Variants in BRINP1 observed in about 807,000 individuals in gnomAD.
BRINP1 encodes the protein BMP/retinoic acid-inducible neural-specific protein 1.
Under a neutral mutation model 72.9 loss-of-function variants are expected in BRINP1, and 17 were observed. That is an observed-to-expected ratio of 0.23 (90% confidence interval 0.16 to 0.35). The LOEUF (loss-of-function observed/expected upper bound fraction) is 0.35, where lower values mean the gene tolerates loss of function less well. Among genes scored for constraint, BRINP1 ranks in the 10% least tolerant of loss-of-function variants. BRINP1 has a pLI of 1.00. For missense variants in BRINP1, 850 were observed against 1,001.6 expected, an observed-to-expected ratio of 0.85 and a Z score of 2.04; for synonymous variants, 418 against 378.5, an observed-to-expected ratio of 1.10 and a Z score of -1.21.
chr9:119,168,108 A>G lies in BRINP1; in HGVS notation c.1262T>C (p.Leu421Pro). The G allele has an allele frequency of 6.2e-7, 1 of 1,608,808 alleles. No homozygotes were observed. The highest frequency in any genetic ancestry group is 8.5e-7 in the Non-Finnish European group (1 of 1,176,788). ...RSCVCHGSTT[L>P]CQRPIPCVIG... ...CACGCAGGGGATGGGGCGCTGGCAC[A>G]GCGTGGTGCTGCCGTGGCACACGCA... is the stretch of plus-strand genomic sequence containing the variant. The change falls in exon 8 of 8, where the codon CTG becomes CCG. Residue 421 changes from leucine (L) to proline (P), a missense_variant. Physicochemically the swap from Leu to Pro is moderately conservative, Grantham distance 98 (BLOSUM62 -3). Coordinates refer to ENST00000265922, the MANE Select transcript of BRINP1 (RefSeq NM_014618.3).
At chr9:119,358,827 T>C (rs562798492) in intron 1 of BRINP1, among the ~76,000 whole-genome samples, 20 of 152,350 alleles carry the variant, frequency 1.3e-4, no homozygotes, top group African/African-American at 4.3e-4. Flanking sequence ...TGGCCTGTTA[T>C]AGAGAATTTA....
chr9:119,222,305 G>A (rs1343150974), intron 5 of BRINP1, among the ~76,000 whole-genome samples: 1 of 152,034 alleles, frequency 6.6e-6, no homozygotes, highest in Non-Finnish European at 1.5e-5. Context: ...AACAGATACA[G>A]GAGTTGACAA....
intron 5 of BRINP1, among the ~76,000 whole-genome samples, chr9:119,237,346 C>CATTATTATTATTGTTATTATTATT (rs1554750156): frequency 4.1e-5 from 6 of 145,044 alleles, no homozygotes; most frequent in Admixed American, 4.1e-4. Context: ...TTTCTTGCTA[C>CATTATTATTATTGTTATTATTATT]ATTATTATTA....
rs537279546 is a variant in BRINP1 at position 119,297,823 on chromosome 9, A to G, written c.218+15315T>C. On this transcript the variant is annotated intron_variant, in intron 2 of 7. Transcript: ENST00000265922. ...ATTTTCCTTTCCCTTTCTAATAATT[A>G]ATAATAATAATAAAATAATAACAAA... Among the ~76,000 whole-genome samples, 6 of 137,178 alleles carry G rather than the reference A, an allele frequency of 4.4e-5. 1 individual carries two copies. Among genetic ancestry groups the G allele is most frequent in the African/African-American group, 1.5e-4 (6 of 40,608 alleles). 90.0% of individuals were successfully genotyped at this position (137,178 alleles called of 152,430 possible). A position where few individuals can be genotyped will look rare whatever the true frequency, so the allele number is the denominator to read the frequency against.
rs764250014 is a variant in BRINP1, at chr9:119,167,067, T to G, written c.*17A>C. The stretch of plus-strand genomic sequence containing the variant: ...TGTGTACAACAACAGGAAAAGTCCA[T>G]GGCAAGGAGTCCCGGGTTAGCAGAG... On this transcript the variant is annotated 3_prime_UTR_variant, in exon 8 of 8. Transcript: ENST00000265922. This position sits in a 1 kb window ranked among gnomAD's most constrained non-coding sequence, Gnocchi z 4.3. 7 of 1,574,676 alleles carry G rather than the reference T, an allele frequency of 4.4e-6. No homozygotes were observed. In the African/African-American group the frequency reaches 6.7e-5, roughly 15 times the overall value.
chr9:119,341,161 A>G (rs773989340), intron 1 of BRINP1, among the ~76,000 whole-genome samples: 2 of 152,156 alleles, frequency 1.3e-5, no homozygotes, highest in African/African-American at 2.4e-5. Context: ...AGGATTATTA[A>G]AGTTAAGGAA....
chr9:119,272,522 G>A (rs1231251153), intron 2 of BRINP1, among the ~76,000 whole-genome samples: 9 of 152,152 alleles, frequency 5.9e-5, no homozygotes, highest in African/African-American at 1.9e-4. Context: ...CCCCTAGAAC[G>A]CTGGGAAGAA....
At chr9:119,209,344 G>A (rs761811805) in intron 6 of BRINP1, among the ~76,000 whole-genome samples, 6 of 152,276 alleles carry the variant, frequency 3.9e-5, no homozygotes, top group Middle Eastern at 3.4e-3. Flanking sequence ...AGGCCAAGGC[G>A]GGTGGATAAC....
At chr9:119,218,717 C>A (rs1830007079) in intron 5 of BRINP1, among the ~76,000 whole-genome samples, 1 of 148,032 alleles carries the variant, frequency 6.8e-6, no homozygotes, top group South Asian at 2.2e-4. Flanking sequence ...AGACCTCTGG[C>A]AATGTTTTAT....
chr9:119,367,721 C>T (rs974923662), intron 1 of BRINP1, among the ~76,000 whole-genome samples: 1 of 152,196 alleles, frequency 6.6e-6, no homozygotes, highest in Non-Finnish European at 1.5e-5. Flanking sequence ...AGGTGCAAAC[C>T]GACAGCAGTT....
rs562132758 is a variant in BRINP1 at position 119,360,010 on chromosome 9, G to A, written c.-51+9046C>T. Among the ~76,000 whole-genome samples, 6 of 152,228 alleles carry A rather than the reference G, an allele frequency of 3.9e-5. No homozygotes were observed. The East Asian group carries it at 9.6e-4, about 24-fold the overall frequency. On this transcript the variant is annotated intron_variant, in intron 1 of 7. Transcript: ENST00000265922. ...TTCCCACTGTCAGGGAAGAGAGAGC[G>A]GTAAGCAAAAACTGGAGCTGACTTG...
In BRINP1 at chr9:119,249,051, G is replaced by A; in HGVS notation, c.318C>T (p.Arg106=). 2 of 1,614,124 alleles carry A rather than the reference G, an allele frequency of 1.2e-6. No individual in the cohort carries two copies. The highest frequency in any genetic ancestry group is 1.7e-6 in the Non-Finnish European group (2 of 1,180,002). The change falls in exon 3 of 8, where the codon CGC becomes CGT. Residue 106 remains arginine, a synonymous_variant. Coordinates refer to ENST00000265922, the MANE Select transcript of BRINP1 (RefSeq NM_014618.3). ...PLMPEFQRSI[R]LLGRRPTTQQ... Reference sequence around the variant, plus strand: ...GAGTGGTAGGTCTCCTGCCAAGCAGGCGGATGCTCCTTTGAAACTCCGGCA... The same window carrying A: ...GAGTGGTAGGTCTCCTGCCAAGCAGACGGATGCTCCTTTGAAACTCCGGCA...
intron 7 of BRINP1, among the ~76,000 whole-genome samples, chr9:119,184,207 G>A (rs1829589064): frequency 6.6e-6 from 1 of 152,048 alleles, no homozygotes; most frequent in East Asian, 1.9e-4. Flanking sequence ...AACAAGCATG[G>A]GTGCAAATGG....
Position 119,278,124 on chromosome 9 carries a change from G to A in BRINP1, c.219-28974C>T, listed in dbSNP as rs541308354. On this transcript the variant is annotated intron_variant, in intron 2 of 7. Transcript: ENST00000265922. ...CACTTGGATGAGGTAGACAAATCTC[G>A]TTTCTTGTTTTTCCCCTTCTCTGGG... is the stretch of plus-strand genomic sequence containing the variant. 1.3e-3 allele frequency among the ~76,000 whole-genome samples: 200 copies of A among 152,116 alleles called. 1 individual carries two copies. The highest frequency in any genetic ancestry group is 3.4e-3 in the African/African-American group (142 of 41,486).
intron 7 of BRINP1, among the ~76,000 whole-genome samples, chr9:119,179,903 C>A (rs753723696): frequency 6.6e-5 from 10 of 152,228 alleles, no homozygotes; most frequent in Non-Finnish European, 1.2e-4. Flanking sequence ...TTTCTGGCAA[C>A]CTGACAGGTC....
chr9:119,203,070 T>C (rs1829821296), intron 7 of BRINP1, among the ~76,000 whole-genome samples: 2 of 152,104 alleles, frequency 1.3e-5, no homozygotes, highest in Admixed American at 6.6e-5. Context: ...ATTTCAATGT[T>C]GGTCTACTAC....
chr9:119,263,102 G>T (rs553366765), intron 2 of BRINP1, among the ~76,000 whole-genome samples: 11 of 152,086 alleles, frequency 7.2e-5, no homozygotes, highest in Non-Finnish European at 1.6e-4. Context: ...TGCCCTTCAG[G>T]CCAGGGGCAC....
intron 7 of BRINP1, among the ~76,000 whole-genome samples, chr9:119,176,894 T>A (rs1157956784): frequency 1.3e-5 from 2 of 152,130 alleles, no homozygotes; most frequent in African/African-American, 4.8e-5. Flanking sequence ...AATGGCGGAA[T>A]AATTAGTGGG....
chr9:119,366,794 A>G (rs1831697087), intron 1 of BRINP1, among the ~76,000 whole-genome samples: 3 of 151,946 alleles, frequency 2.0e-5, no homozygotes, highest in Non-Finnish European at 4.4e-5. Flanking sequence ...GCTGATTGAT[A>G]AGCCTAGATT....
Sources: allele counts gnomAD v4.1 joint callset (sites outside exome capture counted in the v4.1 genomes callset), GRCh38; gene constraint gnomAD v4.1.1; non-coding constraint Gnocchi (gnomAD v3.1); transcripts MANE v1.5; gene names NCBI Gene and HGNC (gene_info 2026-07-23, HGNC 2026-07-21).